USF1: variants seen among roughly 807,000 people sequenced by gnomAD.
The protein encoded by USF1 is upstream transcription factor 1.
USF1 carries 22 observed loss-of-function variants against 46.3 expected under a neutral mutation model. The observed-to-expected ratio is 0.47, with a 90% CI of 0.34 to 0.68. USF1 has a LOEUF of 0.68. Ranked by LOEUF, USF1 falls within the 30% of genes least tolerant of loss-of-function variation. The pLI, the probability that USF1 is intolerant of heterozygous loss-of-function variation, is 0.01. For missense variants in USF1, 287 were observed against 399.3 expected, an observed-to-expected ratio of 0.72 and a Z score of 2.40; for synonymous variants, 150 against 147.0, an observed-to-expected ratio of 1.02 and a Z score of -0.15.
chr1:161,042,457 A>G, intron 4 of USF1, 98 bp downstream of exon 4: 1 of 1,365,554 alleles, frequency 7.3e-7, no homozygotes, highest in Non-Finnish European at 1.0e-6. Flanking sequence ...CACTCTTTCA[A>G]CTCATCCTCC....
Position 161,040,138 on chromosome 1 carries a change from G to A in USF1, c.843+64C>T, listed in dbSNP as rs1044285894. The A allele has an allele frequency of 4.3e-6, 7 of 1,610,526 alleles. No homozygotes were observed. In the South Asian group the frequency reaches 4.4e-5, roughly 10 times the overall value. On this transcript the variant is annotated intron_variant, in intron 10 of 10. Coordinates refer to ENST00000368021, the MANE Select transcript of USF1 (RefSeq NM_007122.5). The surrounding 1 kb of genome is among the most constrained non-coding windows in gnomAD (Gnocchi z 4.0). ...CTTCTCCATGGAGAACAAAGTAGAG[G>A]GTGTCAAACTGGGTCAGTGGCTAGC...
intron 2 of USF1, 118 bp downstream of exon 2, chr1:161,043,150 G>A: frequency 1.9e-6 from 3 of 1,560,454 alleles, no homozygotes; most frequent in South Asian, 2.2e-5. Flanking sequence ...CACACAGTAA[G>A]TGATAGAGTA....
In USF1 at chr1:161,040,552, C is replaced by T. The variant is rs1650506013; in HGVS notation, c.714+24G>A. On this transcript the variant is annotated intron_variant, in intron 9 of 10. Transcript: ENST00000368021. This position sits in a 1 kb window ranked among gnomAD's most constrained non-coding sequence, Gnocchi z 4.0. ...AGGAGGCAGAATTCAGGCATCCTGC[C>T]CACTACCAGGGTCTTTCCATGACCT... The T allele has an allele frequency of 6.2e-7, 1 of 1,606,392 alleles. No homozygotes were observed. Among genetic ancestry groups the T allele is most frequent in the African/African-American group, 1.3e-5 (1 of 74,468 alleles).
chr1:161,040,394 T>C lies in USF1; in HGVS notation c.715-64A>G. The C allele has an allele frequency of 6.2e-7, 1 of 1,606,146 alleles. No homozygotes were observed. The highest frequency in any genetic ancestry group is 8.5e-7 in the Non-Finnish European group (1 of 1,174,872). On this transcript the variant is annotated intron_variant, in intron 9 of 10. Transcript: ENST00000368021. The surrounding 1 kb of genome is among the most constrained non-coding windows in gnomAD (Gnocchi z 4.0). ...AGATACCCAGCTTGCTTTCCAAAAG[T>C]AGGTTCACACTTTGGACCTCATTTT...
chr1:161,041,907 C>T, intron 5 of USF1, 61 bp from the exon 6 acceptor site: 2 of 1,521,144 alleles, frequency 1.3e-6, no homozygotes, highest in Non-Finnish European at 1.8e-6. Context: ...CCCACTACAC[C>T]ACTCTGCAGC....
chr1:161,041,089 C>T (rs988145263), intron 7 of USF1, among the ~76,000 whole-genome samples: 1 of 151,812 alleles, frequency 6.6e-6, no homozygotes, highest in African/African-American at 2.4e-5. Context: ...TGGTGAAACC[C>T]TGTCTCTACT....
In USF1 at chr1:161,040,384, T is replaced by C. The variant is rs908078341; in HGVS notation, c.715-54A>G. ...CTAGGATTTCAGATACCCAGCTTGCTTTCCAAAAGTAGGTTCACACTTTGG... is the reference window on the plus strand; with the variant it reads ...CTAGGATTTCAGATACCCAGCTTGCCTTCCAAAAGTAGGTTCACACTTTGG... On this transcript the variant is annotated intron_variant, in intron 9 of 10. Coordinates refer to ENST00000368021, the MANE Select transcript of USF1 (RefSeq NM_007122.5). The surrounding 1 kb of genome is among the most constrained non-coding windows in gnomAD (Gnocchi z 4.0). 5 of 1,607,126 alleles carry C rather than the reference T, an allele frequency of 3.1e-6. No homozygotes were observed. The highest frequency in any genetic ancestry group is 3.4e-5 in the Admixed American group (2 of 59,354).
At chr1:161,043,399 C>T (rs1650655780) in intron 1 of USF1, 39 bp from the exon 2 acceptor site, 1 of 1,490,622 alleles carries the variant, frequency 6.7e-7, no homozygotes, top group Non-Finnish European at 9.3e-7. Flanking sequence ...GTTTAGGAAA[C>T]AGAACAGTAT....
intron 4 of USF1, 105 bp downstream of exon 4, chr1:161,042,449 CT>C: frequency 7.7e-7 from 1 of 1,297,218 alleles, no homozygotes; most frequent in South Asian, 1.3e-5. Flanking sequence ...CAACAGTCCA[CT>C]CTTTCAACTC....
chr1:161,043,428 G>T, intron 1 of USF1, 68 bp from the exon 2 acceptor site: 1 of 1,251,828 alleles, frequency 8.0e-7, no homozygotes, highest in Non-Finnish European at 1.1e-6. Flanking sequence ...CTAGAACTTA[G>T]GTTCCATGAA....
At chr1:161,044,251 A>T (rs1001775964) in intron 1 of USF1, among the ~76,000 whole-genome samples, 2 of 152,148 alleles carry the variant, frequency 1.3e-5, no homozygotes, top group Non-Finnish European at 2.9e-5. Context: ...CCAACAACAC[A>T]TCTCTAAATG....
intron 2 of USF1, 151 bp from the exon 3 acceptor site, chr1:161,043,033 T>C: frequency 7.9e-7 from 1 of 1,260,516 alleles, no homozygotes; most frequent in Non-Finnish European, 1.2e-6. Flanking sequence ...GTTTACTATG[T>C]ACATAAGCAC....
intron 7 of USF1, among the ~76,000 whole-genome samples, 187 bp from the exon 8 acceptor site, chr1:161,041,059 C>T (rs923923956): frequency 2.0e-4 from 30 of 151,828 alleles, no homozygotes; most frequent in African/African-American, 7.0e-4. Context: ...GTCAGGAGTT[C>T]GAGACCAGCC....
Position 161,040,372 on chromosome 1 carries a change from T to TA in USF1, c.715-43dup. 1.2e-6 allele frequency: 2 copies of TA among 1,609,034 alleles called. No homozygotes were observed. Among genetic ancestry groups the TA allele is most frequent in the Non-Finnish European group, 1.7e-6 (2 of 1,176,468 alleles). ...ACAAAATGAGAACTAGGATTTCAGATACCCAGCTTGCTTTCCAAAAGTAGG... is the reference window on the plus strand; with the variant it reads ...ACAAAATGAGAACTAGGATTTCAGATAACCCAGCTTGCTTTCCAAAAGTAGG... On this transcript the variant is annotated intron_variant, in intron 9 of 10. Coordinates refer to ENST00000368021, the MANE Select transcript of USF1 (RefSeq NM_007122.5). The surrounding 1 kb of genome is among the most constrained non-coding windows in gnomAD (Gnocchi z 4.0).
chr1:161,045,521 A>ACCCCGCAG (rs1650770832), intron 1 of USF1, among the ~76,000 whole-genome samples: 4 of 152,124 alleles, frequency 2.6e-5, no homozygotes. Flanking sequence ...CTGCGCCGTG[A>ACCCCGCAG]CCCCGCAGCC....
In USF1 at chr1:161,043,286, G is replaced by T. The variant is rs746811537; in HGVS notation, c.-11C>A. 1.2e-6 allele frequency: 2 copies of T among 1,614,162 alleles called. No individual in the cohort carries two copies. Among genetic ancestry groups the T allele is most frequent in the East Asian group, 4.5e-5 (2 of 44,884 alleles). On this transcript the variant is annotated 5_prime_UTR_variant, in exon 2 of 11. Coordinates refer to ENST00000368021, the MANE Select transcript of USF1 (RefSeq NM_007122.5). ...CACTCACCCCTTCATCTCTCTGTGA[G>T]GGGGCACATCCGAGGAACTGGTCCT...
In USF1 at chr1:161,039,854, C is replaced by T. The variant is rs948497861; in HGVS notation, c.*66G>A. 42 of 1,544,828 alleles carry T rather than the reference C, an allele frequency of 2.7e-5. No homozygotes were observed. The East Asian group carries it at 5.2e-4, about 19-fold the overall frequency. On this transcript the variant is annotated 3_prime_UTR_variant, in exon 11 of 11. Coordinates refer to ENST00000368021, the MANE Select transcript of USF1 (RefSeq NM_007122.5). Reference sequence around the variant, plus strand: ...AGTGGGGCAGTGAAGGAAAGGGGCACGGGATTAGGCTGTTGCTCCTGGGCT... The same window carrying T: ...AGTGGGGCAGTGAAGGAAAGGGGCATGGGATTAGGCTGTTGCTCCTGGGCT...
At chr1:161,043,110 A>C (rs1391618736) in intron 2 of USF1, 158 bp downstream of exon 2, 3 of 1,348,566 alleles carry the variant, frequency 2.2e-6, no homozygotes, top group African/African-American at 2.9e-5. Context: ...AGATAGCACT[A>C]CTTCCATTTT....
At chr1:161,044,527 T>G (rs185012998) in intron 1 of USF1, among the ~76,000 whole-genome samples, 88 of 152,354 alleles carry the variant, frequency 5.8e-4, no homozygotes, top group African/African-American at 2.0e-3. Flanking sequence ...ACTCTTGTTT[T>G]GGGGTATCCA....
Sources: gnomAD v4.1 joint callset for allele counts (sites outside exome capture counted in the v4.1 genomes callset) on GRCh38, gnomAD v4.1.1 for gene constraint, Gnocchi (gnomAD v3.1) non-coding constraint, MANE v1.5 for transcripts, NCBI Gene and HGNC (gene_info 2026-07-23, HGNC 2026-07-21) for gene names.